Variants in PARN observed in about 807,000 individuals in gnomAD.
The protein encoded by PARN is poly(A)-specific ribonuclease PARN.
In PARN, 71 loss-of-function variants were observed where a neutral mutation model predicts 102.8. The ratio of observed to expected loss-of-function variants is 0.69; its 90% CI spans 0.57 to 0.84. The LOEUF (loss-of-function observed/expected upper bound fraction) is 0.84, where lower values mean the gene tolerates loss of function less well. Ranked by LOEUF, PARN falls within the 40% of genes least tolerant of loss-of-function variation. The pLI, the probability that PARN is intolerant of heterozygous loss-of-function variation, is 0.00. For missense variants in PARN, 782 were observed against 760.9 expected (o/e 1.03, Z -0.33); for synonymous variants, 261 against 252.9 (o/e 1.03, Z -0.30).
intron 12 of PARN, among the ~76,000 whole-genome samples, chr16:14,596,872 C>T (rs1441420620): frequency 6.6e-6 from 1 of 151,810 alleles, no homozygotes; most frequent in African/African-American, 2.4e-5. Context: ...CTGCAACCCC[C>T]GCCTCCTAGG....
At chr16:14,582,804 C>A (rs999598413) in intron 16 of PARN, among the ~76,000 whole-genome samples, 17 of 151,994 alleles carry the variant, frequency 1.1e-4, no homozygotes, top group African/African-American at 3.9e-4. Context: ...TTTTGTAAAA[C>A]AGAGATGATA....
At chr16:14,479,142 G>C (rs1963239075) in intron 22 of PARN, among the ~76,000 whole-genome samples, 1 of 152,202 alleles carries the variant, frequency 6.6e-6, no homozygotes. Context: ...TTCCAGGCCA[G>C]GCCTGGTGGC....
intron 23 of PARN, among the ~76,000 whole-genome samples, chr16:14,440,878 C>T (rs370615135): frequency 1.3e-5 from 2 of 152,134 alleles, no homozygotes; most frequent in African/African-American, 4.8e-5. Flanking sequence ...CAACTCCAAA[C>T]GGGCATGAGG....
At position 14,446,885 on chromosome 16, in the gene PARN, A is replaced by T. The variant is rs774460362; in HGVS notation, c.1864+3T>A. 3 of 1,610,294 alleles carry T rather than the reference A, an allele frequency of 1.9e-6. No homozygotes were observed. Among genetic ancestry groups the T allele is most frequent in the Non-Finnish European group, 2.5e-6 (3 of 1,177,744 alleles). On this transcript the variant is annotated splice_donor_region_variant and intron_variant, in intron 23 of 23. Transcript: ENST00000437198. Reference sequence around the variant, plus strand: ...CAGAACTTCGGCAAGATCCAATACAAACCTGCTGGAGAAAGCTCCTTCTTC... The same window carrying T: ...CAGAACTTCGGCAAGATCCAATACATACCTGCTGGAGAAAGCTCCTTCTTC...
intron 9 of PARN, among the ~76,000 whole-genome samples, chr16:14,607,664 G>A (rs897328060): frequency 6.6e-6 from 1 of 152,172 alleles, no homozygotes; most frequent in Non-Finnish European, 1.5e-5. Context: ...GACAGGAAAG[G>A]AGTGTGGGCA....
chr16:14,614,255 C>T (rs542241234), intron 6 of PARN, among the ~76,000 whole-genome samples: 4 of 147,336 alleles, frequency 2.7e-5, no homozygotes, highest in Non-Finnish European at 6.0e-5. Flanking sequence ...CATCTTGTCT[C>T]AAAAATGGGA....
intron 18 of PARN, chr16:14,578,382 C>G (rs1052770100): frequency 1.1e-4 from 16 of 146,050 alleles, no homozygotes; most frequent in African/African-American, 4.1e-4. Flanking sequence ...TGGCTAGGCG[C>G]GGTGACTAAC....
In PARN at chr16:14,610,040, G is replaced by A. The variant is rs549919513; in HGVS notation, c.554+604C>T. ...CAGCCTGGGAAACATAGTGAGATCC[G>A]TCTCTATTAAAAAAAATAAAATAAA... On this transcript the variant is annotated intron_variant, in intron 7 of 23. Transcript: ENST00000437198. 1.8e-4 allele frequency among the ~76,000 whole-genome samples: 27 copies of A among 152,118 alleles called. No homozygotes were observed. In the South Asian group the frequency reaches 2.9e-3, roughly 16 times the overall value.
intron 12 of PARN, among the ~76,000 whole-genome samples, chr16:14,599,347 G>C (rs1229208787): frequency 6.6e-6 from 1 of 151,986 alleles, no homozygotes; most frequent in Non-Finnish European, 1.5e-5. Flanking sequence ...CCGGCCGCCT[G>C]TTTTCAGAAA....
chr16:14,535,302 G>A (rs916899181), intron 21 of PARN, among the ~76,000 whole-genome samples: 10 of 152,170 alleles, frequency 6.6e-5, no homozygotes, highest in African/African-American at 2.2e-4. Flanking sequence ...CAGTGGTCTA[G>A]CATTTGCTAG....
chr16:14,577,483 G>A (rs1037947005), intron 18 of PARN, among the ~76,000 whole-genome samples: 1 of 151,228 alleles, frequency 6.6e-6, no homozygotes, highest in Non-Finnish European at 1.5e-5. Context: ...ACAGGTGTCT[G>A]CCCCTACACC....
chr16:14,581,273 A>G (rs935698483), intron 17 of PARN, among the ~76,000 whole-genome samples: 1 of 152,116 alleles, frequency 6.6e-6, no homozygotes, highest in African/African-American at 2.4e-5. Flanking sequence ...GCTGGTCTCA[A>G]ACTCCTAACC....
intron 21 of PARN, among the ~76,000 whole-genome samples, chr16:14,543,841 A>G (rs1966855978): frequency 6.6e-6 from 1 of 152,250 alleles, no homozygotes; most frequent in Admixed American, 6.5e-5. Flanking sequence ...CCATATCAAT[A>G]AGGACATTAA....
At position 14,563,351 on chromosome 16, in the gene PARN, T is replaced by C. The variant is rs186324465; in HGVS notation, c.1263-7642A>G. Among the ~76,000 whole-genome samples, 3 of 152,302 alleles carry C rather than the reference T, an allele frequency of 2.0e-5. No homozygotes were observed. The East Asian group carries it at 5.8e-4, about 29-fold the overall frequency. On this transcript the variant is annotated intron_variant, in intron 18 of 23. Coordinates refer to ENST00000437198, the MANE Select transcript of PARN (RefSeq NM_002582.4). ...GAGCCAGTGCAGTGCAAGGCAAGCA[T>C]GTACTGACAAGAGCTCCAGCCACGA...
chr16:14,595,931 T>C (rs1970478811), intron 12 of PARN, among the ~76,000 whole-genome samples: 1 of 152,158 alleles, frequency 6.6e-6, no homozygotes, highest in Non-Finnish European at 1.5e-5. Context: ...TCCCTAAGTG[T>C]GGGATTACAG....
intron 18 of PARN, among the ~76,000 whole-genome samples, chr16:14,558,808 A>C (rs1967868329): frequency 6.6e-6 from 1 of 152,172 alleles, no homozygotes; most frequent in African/African-American, 2.4e-5. Flanking sequence ...AGAATAAAAA[A>C]TACCCTCCCC....
chr16:14,528,761 C>G (rs1966151282), intron 21 of PARN, among the ~76,000 whole-genome samples: 1 of 152,148 alleles, frequency 6.6e-6, no homozygotes, highest in Non-Finnish European at 1.5e-5. Context: ...GCTAAGGACT[C>G]AGGTTACATC....
intron 9 of PARN, among the ~76,000 whole-genome samples, chr16:14,607,906 ACCT>A (rs575551427): frequency 6.6e-6 from 1 of 152,096 alleles, no homozygotes; most frequent in Non-Finnish European, 1.5e-5. Context: ...GGATTCACAG[ACCT>A]CCTGAAACCC....
At chr16:14,586,525 C>A (rs1452517283) in intron 13 of PARN, among the ~76,000 whole-genome samples, 164 bp from the exon 14 acceptor site, 3 of 152,114 alleles carry the variant, frequency 2.0e-5, no homozygotes, top group Admixed American at 2.0e-4. Context: ...AAAAAAAACA[C>A]AAAACCTTCC....
Sources: gnomAD v4.1 joint callset for allele counts (sites outside exome capture counted in the v4.1 genomes callset) on GRCh38, gnomAD v4.1.1 for gene constraint, MANE v1.5 for transcripts, NCBI Gene and HGNC (gene_info 2026-07-23, HGNC 2026-07-21) for gene names.